The following MINDY2 variants were observed in gnomAD, a reference collection of about 807,000 sequenced individuals.
MINDY2 encodes MINDY lysine 48 deubiquitinase 2, also known as ubiquitin carboxyl-terminal hydrolase MINDY-2.
MINDY2 carries 52 observed loss-of-function variants against 68.2 expected under a neutral mutation model. The ratio of observed to expected loss-of-function variants is 0.76; its 90% CI spans 0.61 to 0.96. The LOEUF (loss-of-function observed/expected upper bound fraction) is 0.96, where lower values mean the gene tolerates loss of function less well. MINDY2 is among the 40% of genes least tolerant of loss of function. MINDY2 has a pLI of 0.00. For missense variants in MINDY2, 881 were observed against 773.4 expected (o/e 1.14, Z -1.65); for synonymous variants, 372 against 303.0 (o/e 1.23, Z -2.36).
intron 1 of MINDY2, among the ~76,000 whole-genome samples, chr15:58,780,956 A>C (rs1185092753): frequency 1.3e-5 from 2 of 152,046 alleles, no homozygotes; most frequent in Non-Finnish European, 2.9e-5. Context: ...TTTTATTATC[A>C]ATTTTTGAGG....
In MINDY2 at chr15:58,771,932, C is replaced by A; in HGVS notation, c.537C>A (p.Phe179Leu). 1 of 1,553,884 alleles carries A rather than the reference C, an allele frequency of 6.4e-7. No individual in the cohort carries two copies. Among genetic ancestry groups the A allele is most frequent in the Non-Finnish European group, 8.7e-7 (1 of 1,151,826 alleles). ...ESPSLDSLES[F>L]SNLHSFPSSC... is the part of the protein sequence containing the mutation. ...CGAGCCTGGACTCTCTGGAGTCGTT[C>A]TCTAACCTGCATTCTTTTCCCAGTA... is the stretch of plus-strand genomic sequence containing the variant. The change falls in exon 1 of 9, where the codon TTC becomes TTA. Residue 179 changes from phenylalanine to leucine, a missense_variant. Physicochemically the swap from Phe to Leu is conservative, Grantham distance 22. Coordinates refer to ENST00000559228, the MANE Select transcript of MINDY2 (RefSeq NM_001040450.3).
At chr15:58,822,457 G>A (rs527237699) in intron 5 of MINDY2, among the ~76,000 whole-genome samples, 1 of 152,250 alleles carries the variant, frequency 6.6e-6, no homozygotes, top group East Asian at 1.9e-4. Flanking sequence ...TAGGAGTCCT[G>A]AATGGACTTT....
chr15:58,781,011 T>C (rs1901101974), intron 1 of MINDY2, among the ~76,000 whole-genome samples: 3 of 152,284 alleles, frequency 2.0e-5, no homozygotes, highest in Admixed American at 2.0e-4. Flanking sequence ...TTCTTAAATA[T>C]AAATAGTGAA....
At chr15:58,835,043 T>G (rs1357147768) in intron 6 of MINDY2, among the ~76,000 whole-genome samples, 2 of 152,214 alleles carry the variant, frequency 1.3e-5, no homozygotes, top group South Asian at 2.1e-4. Flanking sequence ...ACCTCTCAAG[T>G]CTAGGATTTA....
intron 3 of MINDY2, among the ~76,000 whole-genome samples, chr15:58,805,803 C>T (rs1252924484): frequency 2.0e-5 from 3 of 152,072 alleles, no homozygotes; most frequent in African/African-American, 7.2e-5. Flanking sequence ...CGGCTGGGCA[C>T]AGTGGCACAT....
intron 2 of MINDY2, 138 bp downstream of exon 2, chr15:58,788,101 A>T (rs996446302): frequency 1.7e-4 from 91 of 546,218 alleles, no homozygotes; most frequent in Middle Eastern, 5.2e-4. Flanking sequence ...CTAATTAAAA[A>T]TTTTTATCAG....
Position 58,771,379 on chromosome 15 carries a change from G to A in MINDY2, c.-17G>A, listed in dbSNP as rs1355328438. 3 of 1,596,082 alleles carry A rather than the reference G, an allele frequency of 1.9e-6. No individual in the cohort carries two copies. Among genetic ancestry groups the A allele is most frequent in the Non-Finnish European group, 2.6e-6 (3 of 1,173,114 alleles). On this transcript the variant is annotated 5_prime_UTR_variant, in exon 1 of 9. Coordinates refer to ENST00000559228, the MANE Select transcript of MINDY2 (RefSeq NM_001040450.3). ...AGTGGCCGCGGTCTCCATAGAGCTGGGGGCGGGCGGCCCGGTATGGAGAGC... is the reference window on the plus strand; with the variant it reads ...AGTGGCCGCGGTCTCCATAGAGCTGAGGGCGGGCGGCCCGGTATGGAGAGC...
chr15:58,800,996 C>G (rs1902607934), intron 2 of MINDY2, among the ~76,000 whole-genome samples: 1 of 152,044 alleles, frequency 6.6e-6, no homozygotes, highest in South Asian at 2.1e-4. Flanking sequence ...GTTTTTGAGA[C>G]AGAGTCTCGC....
chr15:58,807,176 C>G (rs1015933310), intron 3 of MINDY2, among the ~76,000 whole-genome samples: 6 of 151,992 alleles, frequency 3.9e-5, no homozygotes, highest in African/African-American at 1.4e-4. Flanking sequence ...AAACTATAGT[C>G]TACTGTTCTT....
intron 5 of MINDY2, among the ~76,000 whole-genome samples, chr15:58,828,196 TA>T (rs2031517987): frequency 6.6e-6 from 1 of 152,126 alleles, no homozygotes; most frequent in Non-Finnish European, 1.5e-5. Context: ...TCTTTTCAAG[TA>T]AAATCTGGGC....
chr15:58,795,837 C>T (rs1902248282), intron 2 of MINDY2, among the ~76,000 whole-genome samples: 1 of 151,870 alleles, frequency 6.6e-6, no homozygotes, highest in Non-Finnish European at 1.5e-5. Flanking sequence ...TTAAGTGCAA[C>T]ATTACCTCTG....
At chr15:58,777,142 A>G (rs1486225738) in intron 1 of MINDY2, among the ~76,000 whole-genome samples, 1 of 152,196 alleles carries the variant, frequency 6.6e-6, no homozygotes, top group Non-Finnish European at 1.5e-5. Context: ...CTATTAGCAT[A>G]TCAGTTTTGC....
intron 2 of MINDY2, 64 bp downstream of exon 2, chr15:58,788,027 AC>A: frequency 9.4e-7 from 1 of 1,060,064 alleles, no homozygotes; most frequent in Non-Finnish European, 1.4e-6. Flanking sequence ...CTAGTTGATT[AC>A]CCAGTCTCAC....
rs1219834932 is a variant in MINDY2, at chr15:58,777,812, G to A, written c.840+5577G>A. Reference sequence around the variant, plus strand: ...CTTTTTGTTGTTTTTTTATGGAGACGGGGTCTCACTATAGTGCCCCAGCTA... The same window carrying A: ...CTTTTTGTTGTTTTTTTATGGAGACAGGGTCTCACTATAGTGCCCCAGCTA... On this transcript the variant is annotated intron_variant, in intron 1 of 8. Coordinates refer to ENST00000559228, the MANE Select transcript of MINDY2 (RefSeq NM_001040450.3). 7.3e-5 allele frequency among the ~76,000 whole-genome samples: 11 copies of A among 151,714 alleles called. No individual in the cohort carries two copies. In the South Asian group the frequency reaches 8.3e-4, roughly 11 times the overall value.
At position 58,854,758 on chromosome 15, in the gene MINDY2, C is replaced by T. The variant is rs1025555958; in HGVS notation, c.*148C>T. On this transcript the variant is annotated 3_prime_UTR_variant, in exon 9 of 9. Coordinates refer to ENST00000559228, the MANE Select transcript of MINDY2 (RefSeq NM_001040450.3). ...CAGGGGAACGGTTGTTACTTAGTTACAATCAGACTTTTTCAAGTCACACAA... is the reference window on the plus strand; with the variant it reads ...CAGGGGAACGGTTGTTACTTAGTTATAATCAGACTTTTTCAAGTCACACAA... The T allele has an allele frequency of 5.1e-5, 43 of 845,038 alleles. No individual in the cohort carries two copies. The African/African-American group carries it at 6.8e-4, about 13-fold the overall frequency. The allele number at this position is 845,038 out of a possible 1,614,324, so 52.3% of individuals were successfully genotyped here.
intron 4 of MINDY2, among the ~76,000 whole-genome samples, chr15:58,817,482 T>C (rs975119866): frequency 6.6e-6 from 1 of 152,136 alleles, no homozygotes. Context: ...TCCCAGCACT[T>C]TGGGAGGCCA....
At chr15:58,783,262 C>T (rs908592942) in intron 1 of MINDY2, among the ~76,000 whole-genome samples, 2 of 152,052 alleles carry the variant, frequency 1.3e-5, no homozygotes, top group African/African-American at 4.8e-5. Flanking sequence ...GGCAAATACT[C>T]AATTTTATAT....
At chr15:58,795,560 A>G (rs1294644950) in intron 2 of MINDY2, among the ~76,000 whole-genome samples, 3 of 151,838 alleles carry the variant, frequency 2.0e-5, no homozygotes, top group African/African-American at 7.3e-5. Flanking sequence ...GCCTGCCACC[A>G]CGCCCAGCTA....
chr15:58,848,245 T>C (rs1177545302), intron 7 of MINDY2, among the ~76,000 whole-genome samples: 1 of 152,146 alleles, frequency 6.6e-6, no homozygotes, highest in African/African-American at 2.4e-5. Flanking sequence ...CTCATAACAA[T>C]TTAAGTGCAC....
Sources: allele counts gnomAD v4.1 joint callset (sites outside exome capture counted in the v4.1 genomes callset), GRCh38; gene constraint gnomAD v4.1.1; transcripts MANE v1.5; gene names NCBI Gene and HGNC (gene_info 2026-07-23, HGNC 2026-07-21).